Variants in EXOC6B observed in about 807,000 individuals in gnomAD.
EXOC6B encodes the protein SEC15 homolog B.
A neutral mutation model predicts 113.5 loss-of-function variants in EXOC6B; 54 were observed. The observed-to-expected ratio is 0.48, with a 90% CI of 0.38 to 0.60. EXOC6B has a LOEUF of 0.60. EXOC6B is among the 20% of genes least tolerant of loss of function. EXOC6B has a pLI of 0.00. For synonymous variants in EXOC6B, 357 were observed against 339.0 expected, an observed-to-expected ratio of 1.05 and a Z score of -0.58; for missense variants, 797 against 977.5, an observed-to-expected ratio of 0.82 and a Z score of 2.46.
At chr2:72,276,983 T>C (rs545476718) in intron 20 of EXOC6B, among the ~76,000 whole-genome samples, 2 of 152,298 alleles carry the variant, frequency 1.3e-5, no homozygotes, top group African/African-American at 4.8e-5. Context: ...TGTTCACTCA[T>C]TCCTTCTTCA....
In EXOC6B at chr2:72,276,200, A is replaced by G. The variant is rs142350006; in HGVS notation, c.2196+58747T>C. On this transcript the variant is annotated intron_variant, in intron 20 of 21. Coordinates refer to ENST00000272427, the MANE Select transcript of EXOC6B (RefSeq NM_015189.3). Reference sequence around the variant, plus strand: ...CACTTTGGGGGTAGACTCTTACAGGAGTTTCTAGATACCCGATGACTGCAT... The same window carrying G: ...CACTTTGGGGGTAGACTCTTACAGGGGTTTCTAGATACCCGATGACTGCAT... Among the ~76,000 whole-genome samples, 260 of 152,168 alleles carry G rather than the reference A, an allele frequency of 1.7e-3. 2 individuals carry two copies. Among genetic ancestry groups the G allele is most frequent in the African/African-American group, 5.2e-3 (217 of 41,540 alleles).
At chr2:72,450,941 A>C (rs1027770247) in intron 18 of EXOC6B, among the ~76,000 whole-genome samples, 2 of 152,180 alleles carry the variant, frequency 1.3e-5, no homozygotes, top group Admixed American at 6.5e-5. Context: ...TAAACAAAAA[A>C]CACTGGAAGG....
intron 1 of EXOC6B, among the ~76,000 whole-genome samples, chr2:72,762,242 C>CAA (rs557776288): frequency 1.5e-4 from 9 of 61,216 alleles, no homozygotes; most frequent in East Asian, 5.2e-4. Context: ...GACTCCGTCT[C>CAA]AAAAAAAAAA....
At chr2:72,661,601 A>C (rs1199579705) in intron 6 of EXOC6B, among the ~76,000 whole-genome samples, 2 of 152,156 alleles carry the variant, frequency 1.3e-5, no homozygotes, top group African/African-American at 2.4e-5. Context: ...CGAAATGCTA[A>C]TTGAAGAAAT....
At chr2:72,305,370 A>T (rs1457275532) in intron 20 of EXOC6B, among the ~76,000 whole-genome samples, 1 of 139,382 alleles carries the variant, frequency 7.2e-6, no homozygotes, top group African/African-American at 3.1e-5. Flanking sequence ...GTATATGTAT[A>T]TGTGTATGTA....
At chr2:72,724,093 T>C (rs899762314) in intron 5 of EXOC6B, among the ~76,000 whole-genome samples, 4 of 152,094 alleles carry the variant, frequency 2.6e-5, no homozygotes, top group African/African-American at 9.6e-5. Flanking sequence ...AAAAGAGCAA[T>C]GCAGAAAAAG....
intron 6 of EXOC6B, among the ~76,000 whole-genome samples, chr2:72,656,301 A>T (rs1674569399): frequency 6.6e-6 from 1 of 152,142 alleles, no homozygotes; most frequent in African/African-American, 2.4e-5. Context: ...TAAATGAGAA[A>T]ACTGGATAAT....
chr2:72,676,090 G>C (rs1350182058), intron 6 of EXOC6B, among the ~76,000 whole-genome samples: 3 of 149,448 alleles, frequency 2.0e-5, no homozygotes, highest in Non-Finnish European at 3.0e-5. Context: ...GAACAGACCA[G>C]GCTCTGAACT....
At chr2:72,214,578 G>A (rs1680399059) in intron 20 of EXOC6B, among the ~76,000 whole-genome samples, 1 of 151,788 alleles carries the variant, frequency 6.6e-6, no homozygotes, top group South Asian at 2.1e-4. Context: ...GGATTCACCA[G>A]CCAATCTACC....
intron 2 of EXOC6B, 79 bp downstream of exon 2, chr2:72,741,225 G>T: frequency 7.3e-7 from 1 of 1,377,452 alleles, no homozygotes; most frequent in Non-Finnish European, 9.9e-7. Context: ...TGTGTTCTAT[G>T]TTATAATCCT....
At chr2:72,573,940 C>T (rs1704668625) in intron 7 of EXOC6B, among the ~76,000 whole-genome samples, 3 of 151,658 alleles carry the variant, frequency 2.0e-5, no homozygotes, top group African/African-American at 7.3e-5. Context: ...ATGGTGAAAC[C>T]CCATCTCTAC....
intron 20 of EXOC6B, among the ~76,000 whole-genome samples, chr2:72,284,788 T>C (rs1685325619): frequency 6.6e-6 from 1 of 151,996 alleles, no homozygotes. Flanking sequence ...GGTTGCAGGA[T>C]ACAAGGTTAA....
rs1370774618 is a variant in EXOC6B at position 72,546,309 on chromosome 2, C to T, written c.915+13144G>A. On this transcript the variant is annotated intron_variant, in intron 8 of 21. Transcript: ENST00000272427. ...ACTAAATATACAAAAACTAGCCAGA[C>T]GTGGTGGCACGTGCCTGTAATTCTA... Among the ~76,000 whole-genome samples the T allele has an allele frequency of 3.9e-5, 6 of 152,222 alleles. No individual in the cohort carries two copies. The East Asian group carries it at 7.7e-4, about 20-fold the overall frequency.
chr2:72,477,010 C>G (rs1045096451), intron 17 of EXOC6B, among the ~76,000 whole-genome samples: 1 of 152,142 alleles, frequency 6.6e-6, no homozygotes, highest in Non-Finnish European at 1.5e-5. Context: ...GGAACCTCAT[C>G]CTCTTGGGAA....
chr2:72,208,199 G>A (rs532705830), intron 20 of EXOC6B, among the ~76,000 whole-genome samples: 148 of 152,118 alleles, frequency 9.7e-4, no homozygotes, highest in African/African-American at 3.5e-3. Context: ...AGTGAGCACA[G>A]TACCCAATAG....
At chr2:72,462,528 T>G (rs907999966) in intron 18 of EXOC6B, 2 of 152,096 alleles carry the variant, frequency 1.3e-5, no homozygotes, top group Non-Finnish European at 2.9e-5. Context: ...ACATCACTCA[T>G]TAATTGGATT....
intron 6 of EXOC6B, among the ~76,000 whole-genome samples, chr2:72,706,508 A>G (rs375966006): frequency 8.5e-5 from 13 of 152,276 alleles, no homozygotes; most frequent in African/African-American, 2.4e-4. Context: ...AGTAGCTGGG[A>G]CTGCAGGCAT....
At chr2:72,550,672 G>A (rs1455795876) in intron 8 of EXOC6B, among the ~76,000 whole-genome samples, 2 of 152,050 alleles carry the variant, frequency 1.3e-5, no homozygotes, top group Non-Finnish European at 2.9e-5. Flanking sequence ...CTTTTCTAGA[G>A]CTTTATCATC....
chr2:72,246,766 C>T (rs1682692975), intron 20 of EXOC6B, among the ~76,000 whole-genome samples: 1 of 152,082 alleles, frequency 6.6e-6, no homozygotes, highest in Non-Finnish European at 1.5e-5. Context: ...GCATGAGCAA[C>T]TGCACCCAGC....
Sources: allele counts gnomAD v4.1 joint callset (sites outside exome capture counted in the v4.1 genomes callset), GRCh38; gene constraint gnomAD v4.1.1; transcripts MANE v1.5; gene names NCBI Gene and HGNC (gene_info 2026-07-23, HGNC 2026-07-21).